Variants in DMXL2 observed in about 807,000 individuals in gnomAD.
DMXL2 encodes the protein dmX-like protein 2.
A neutral mutation model predicts 331.1 loss-of-function variants in DMXL2; 103 were observed. That is an observed-to-expected ratio of 0.31 (90% CI 0.27 to 0.37). The LOEUF (loss-of-function observed/expected upper bound fraction) is 0.37, where lower values mean the gene tolerates loss of function less well. DMXL2 is among the 10% of genes least tolerant of loss of function. The probability of loss-of-function intolerance (pLI) is 1.00; values close to 1 mark genes in which losing one functional copy is unlikely to be tolerated. For synonymous variants in DMXL2, 1,281 were observed against 1,252.1 expected (o/e 1.02, Z -0.49); for missense variants, 3,171 against 3,642.9 (o/e 0.87, Z 3.33).
At chr15:51,457,194 T>C in intron 37 of DMXL2, 134 bp downstream of exon 37, 1 of 939,084 alleles carries the variant, frequency 1.1e-6, no homozygotes, top group Non-Finnish European at 1.5e-6. Flanking sequence ...CCACAATAAA[T>C]GTCAGCTGTC....
chr15:51,550,646 G>A (rs986249773), intron 6 of DMXL2, among the ~76,000 whole-genome samples: 1 of 152,022 alleles, frequency 6.6e-6, no homozygotes, highest in African/African-American at 2.4e-5. Context: ...TAAATTACTT[G>A]CAAATTTTAC....
intron 1 of DMXL2, among the ~76,000 whole-genome samples, chr15:51,617,193 T>C (rs998382089): frequency 6.6e-6 from 1 of 152,196 alleles, no homozygotes; most frequent in Admixed American, 6.5e-5. Flanking sequence ...GATAATCTGA[T>C]TATAATTTCT....
rs2054732154 is a variant in DMXL2, at chr15:51,622,608, TCGGGCTGCGAGAGC to T, written c.-77_-64del. 6.6e-6 allele frequency: 10 copies of T among 1,504,488 alleles called. No homozygotes were observed. The highest frequency in any genetic ancestry group is 8.9e-6 in the Non-Finnish European group (10 of 1,121,430). 93.2% of individuals were successfully genotyped at this position (1,504,488 alleles called of 1,614,324 possible). Reference sequence around the variant, plus strand: ...CGACAAGCTCCGCGCCTGACCCTCCTCGGGCTGCGAGAGCCGTTTCCCTCTGTGCCTCCCTCGGA... The same window carrying T: ...CGACAAGCTCCGCGCCTGACCCTCCTCGTTTCCCTCTGTGCCTCCCTCGGA... On this transcript the variant is annotated 5_prime_UTR_variant, in exon 1 of 44. Coordinates refer to ENST00000560891, the MANE Select transcript of DMXL2 (RefSeq NM_001378457.1).
intron 1 of DMXL2, among the ~76,000 whole-genome samples, chr15:51,582,407 C>T (rs1393118045): frequency 6.6e-6 from 1 of 152,082 alleles, no homozygotes; most frequent in Non-Finnish European, 1.5e-5. Flanking sequence ...TTCTTCACTT[C>T]TGCTGTGATC....
intron 1 of DMXL2, among the ~76,000 whole-genome samples, chr15:51,614,416 T>C (rs962875497): frequency 6.6e-6 from 1 of 152,226 alleles, no homozygotes; most frequent in African/African-American, 2.4e-5. Flanking sequence ...ATTCATTATA[T>C]ACTTAAGTCT....
chr15:51,509,105 C>A (rs2046594737), intron 15 of DMXL2, among the ~76,000 whole-genome samples: 1 of 151,760 alleles, frequency 6.6e-6, no homozygotes, highest in Non-Finnish European at 1.5e-5. Context: ...CTAATCAAGT[C>A]TGTAGAGCTA....
At chr15:51,492,250 T>A (rs1221818583) in intron 19 of DMXL2, among the ~76,000 whole-genome samples, 2 of 152,186 alleles carry the variant, frequency 1.3e-5, no homozygotes, top group African/African-American at 4.8e-5. Flanking sequence ...TTTATTCAAG[T>A]CAAAAGCACT....
At chr15:51,602,280 G>A (rs2053279819) in intron 1 of DMXL2, among the ~76,000 whole-genome samples, 1 of 152,078 alleles carries the variant, frequency 6.6e-6, no homozygotes, top group Admixed American at 6.6e-5. Flanking sequence ...GAATGGGAAA[G>A]GAGACTCTTA....
At chr15:51,515,629 C>T (rs1334684322) in intron 14 of DMXL2, among the ~76,000 whole-genome samples, 1 of 151,986 alleles carries the variant, frequency 6.6e-6, no homozygotes, top group East Asian at 1.9e-4. Flanking sequence ...TGGGAACAAA[C>T]CTAGAAAGAA....
At chr15:51,466,114 T>C in intron 30 of DMXL2, 70 bp downstream of exon 30, 1 of 1,192,422 alleles carries the variant, frequency 8.4e-7, no homozygotes, top group Non-Finnish European at 1.2e-6. Context: ...TATTTAAAAT[T>C]AATAACATTG....
chr15:51,470,040 T>A (rs768586560), intron 29 of DMXL2, among the ~76,000 whole-genome samples: 4 of 152,104 alleles, frequency 2.6e-5, no homozygotes, highest in Non-Finnish European at 5.9e-5. Context: ...GATTGAGGGG[T>A]CTGAGGGAAG....
intron 16 of DMXL2, 133 bp downstream of exon 16, chr15:51,507,001 T>C (rs1351139458): frequency 1.4e-6 from 1 of 703,598 alleles, no homozygotes; most frequent in Non-Finnish European, 2.0e-6. Context: ...ATTAAAAGTT[T>C]AGAAGAGACA....
At chr15:51,483,401 A>C (rs907337451) in intron 23 of DMXL2, among the ~76,000 whole-genome samples, 1 of 152,176 alleles carries the variant, frequency 6.6e-6, no homozygotes, top group Non-Finnish European at 1.5e-5. Flanking sequence ...AGCTATGCAG[A>C]GCCTAGGACC....
At chr15:51,603,038 C>T (rs2053339802) in intron 1 of DMXL2, among the ~76,000 whole-genome samples, 2 of 151,892 alleles carry the variant, frequency 1.3e-5, no homozygotes, top group Non-Finnish European at 2.9e-5. Flanking sequence ...GTGGGCACTC[C>T]CCAAATCAAT....
intron 1 of DMXL2, among the ~76,000 whole-genome samples, chr15:51,621,611 AG>A (rs1261910538): frequency 6.6e-6 from 1 of 152,250 alleles, no homozygotes; most frequent in Non-Finnish European, 1.5e-5. Flanking sequence ...ACTCTCAAAA[AG>A]GACTGATGAG....
intron 15 of DMXL2, among the ~76,000 whole-genome samples, chr15:51,512,537 G>A (rs1051287043): frequency 1.3e-5 from 2 of 152,334 alleles, no homozygotes; most frequent in Non-Finnish European, 2.9e-5. Flanking sequence ...GGGGCCAGGC[G>A]TAGTGGCTCA....
intron 6 of DMXL2, among the ~76,000 whole-genome samples, chr15:51,550,096 T>C (rs539907072): frequency 1.3e-5 from 2 of 152,320 alleles, no homozygotes; most frequent in African/African-American, 2.4e-5. Context: ...GTAAGTTTCA[T>C]ACTAGAGTTG....
At chr15:51,602,580 G>A (rs142603871) in intron 1 of DMXL2, among the ~76,000 whole-genome samples, 2 of 152,290 alleles carry the variant, frequency 1.3e-5, no homozygotes, top group East Asian at 3.9e-4. Flanking sequence ...AAACTTGCTT[G>A]TAAACTCCCG....
At chr15:51,492,648 A>G (rs184773028) in intron 19 of DMXL2, among the ~76,000 whole-genome samples, 2 of 152,358 alleles carry the variant, frequency 1.3e-5, no homozygotes, top group East Asian at 3.9e-4. Flanking sequence ...GACTTACAGC[A>G]GGTAAAAACG....
Sources: gnomAD v4.1 joint callset for allele counts (sites outside exome capture counted in the v4.1 genomes callset) on GRCh38, gnomAD v4.1.1 for gene constraint, MANE v1.5 for transcripts, NCBI Gene and HGNC (gene_info 2026-07-23, HGNC 2026-07-21) for gene names.